The following OR6C1 variants were observed in gnomAD, a reference collection of about 807,000 sequenced individuals.
OR6C1 encodes the protein olfactory receptor 6C1.
For missense variants in OR6C1, 386 were observed against 366.1 expected (o/e 1.05, Z -0.44); for synonymous variants, 157 against 133.3 (o/e 1.18, Z -1.22).
chr12:55,316,973 G>A (rs749874267), intron 1 of OR6C1, among the ~76,000 whole-genome samples: 1 of 151,682 alleles, frequency 6.6e-6, no homozygotes, highest in Non-Finnish European at 1.5e-5. Flanking sequence ...ATGAGTCATG[G>A]TATTATTACT....
intron 1 of OR6C1, among the ~76,000 whole-genome samples, chr12:55,314,827 C>G (rs965135144): frequency 6.6e-6 from 1 of 151,502 alleles, no homozygotes; most frequent in African/African-American, 2.4e-5. Context: ...TCAAATATAG[C>G]TATATAGTAC....
intron 1 of OR6C1, among the ~76,000 whole-genome samples, chr12:55,317,932 T>G (rs544488689): frequency 1.4e-5 from 2 of 144,260 alleles, no homozygotes; most frequent in Admixed American, 1.4e-4. Flanking sequence ...ATATATATAT[T>G]ATATATATAT....
At chr12:55,315,481 T>A (rs1286117844) in intron 1 of OR6C1, among the ~76,000 whole-genome samples, 1 of 151,768 alleles carries the variant, frequency 6.6e-6, no homozygotes, top group Admixed American at 6.6e-5. Context: ...AAATGAGTGT[T>A]ACTATTTATG....
At chr12:55,314,690 G>T (rs1868383253) in intron 1 of OR6C1, 91 bp downstream of exon 1, 1 of 151,372 alleles carries the variant, frequency 6.6e-6, no homozygotes, top group South Asian at 2.1e-4. Flanking sequence ...AAAGTAAATA[G>T]GTATTATACT....
chr12:55,315,627 T>C (rs1272229639), intron 1 of OR6C1, among the ~76,000 whole-genome samples: 1 of 151,564 alleles, frequency 6.6e-6, no homozygotes, highest in Non-Finnish European at 1.5e-5. Context: ...TCCGGGGAAA[T>C]AGTCATCTAA....
chr12:55,316,135 C>G (rs553791631), intron 1 of OR6C1, among the ~76,000 whole-genome samples: 1 of 142,096 alleles, frequency 7.0e-6, no homozygotes, highest in Non-Finnish European at 1.5e-5. Context: ...ACACACCCCC[C>G]GAGAGAATAA....
rs1005295915 is a variant in OR6C1 at position 55,322,204 on chromosome 12, G to A, written c.*666G>A. Reference sequence around the variant, plus strand: ...GACACATATGCAAATACATACATAAGTTTTGTCAAACATAGAGAATATATA... The same window carrying A: ...GACACATATGCAAATACATACATAAATTTTGTCAAACATAGAGAATATATA... On this transcript the variant is annotated 3_prime_UTR_variant, in exon 2 of 2. Transcript: ENST00000642104. The A allele has an allele frequency of 1.3e-5, 2 of 151,860 alleles. No homozygotes were observed. Among genetic ancestry groups the A allele is most frequent in the African/African-American group, 4.8e-5 (2 of 41,398 alleles). 9.4% of individuals were successfully genotyped at this position (151,860 alleles called of 1,614,324 possible). A position where few individuals can be genotyped will look rare whatever the true frequency, so the allele number is the denominator to read the frequency against.
At chr12:55,318,000 TAC>T (rs1455031416) in intron 1 of OR6C1, among the ~76,000 whole-genome samples, 7 of 148,698 alleles carry the variant, frequency 4.7e-5, no homozygotes, top group South Asian at 2.1e-4. Context: ...TACACATATA[TAC>T]ACACACATAA....
chr12:55,314,642 T>C (rs951215977), intron 1 of OR6C1, 43 bp downstream of exon 1: 7 of 151,642 alleles, frequency 4.6e-5, no homozygotes, highest in African/African-American at 1.2e-4. Context: ...TCTCAAATCA[T>C]AGCATTGAAT....
rs775872972 is a variant in OR6C1 at position 55,321,049 on chromosome 12, A to G, written c.450A>G (p.Ser150=). ...TLLVFTSWLV[S]FLIIFPALML... ...TTGTTTTTACTTCTTGGCTGGTTTC[A>G]TTCTTAATCATATTCCCAGCACTCA... The change falls in exon 2 of 2, where the codon TCA becomes TCG. Residue 150 remains serine, a synonymous_variant. Transcript: ENST00000642104. The G allele has an allele frequency of 6.2e-7, 1 of 1,613,640 alleles. No individual in the cohort carries two copies. The highest frequency in any genetic ancestry group is 1.1e-5 in the South Asian group (1 of 91,066).
chr12:55,317,705 C>G (rs903172354), intron 1 of OR6C1, among the ~76,000 whole-genome samples: 3 of 151,676 alleles, frequency 2.0e-5, no homozygotes, highest in Non-Finnish European at 2.9e-5. Context: ...AAGATAAAAT[C>G]CTGTTCTAAC....
At chr12:55,320,335 C>T (rs1868507965) in intron 1 of OR6C1, among the ~76,000 whole-genome samples, 1 of 152,098 alleles carries the variant, frequency 6.6e-6, no homozygotes. Flanking sequence ...TTTCAAATTC[C>T]TGCCCTACCA....
Position 55,320,564 on chromosome 12 carries a change from T to A in OR6C1, c.-33-3T>A, listed in dbSNP as rs757829051. 2 of 1,207,566 alleles carry A rather than the reference T, an allele frequency of 1.7e-6. No individual in the cohort carries two copies. The allele number at this position is 1,207,566 out of a possible 1,614,324, so 74.8% of individuals were successfully genotyped here. ...AGTTTGTTCTTTGTACTTTCTCTTGTAGGTCTGGCAGGGGAAAAAAGAAAG... is the reference window on the plus strand; with the variant it reads ...AGTTTGTTCTTTGTACTTTCTCTTGAAGGTCTGGCAGGGGAAAAAAGAAAG... On this transcript the variant is annotated splice_region_variant and splice_polypyrimidine_tract_variant and intron_variant, in intron 1 of 1. Transcript: ENST00000642104.
chr12:55,315,873 A>C (rs1868399646), intron 1 of OR6C1, among the ~76,000 whole-genome samples: 2 of 151,580 alleles, frequency 1.3e-5, no homozygotes, highest in Admixed American at 1.3e-4. Flanking sequence ...CTTTTTCATT[A>C]GTGTATTAAC....
At chr12:55,319,822 A>G (rs7974512) in intron 1 of OR6C1, among the ~76,000 whole-genome samples, 63,002 of 152,012 alleles carry the variant, frequency 0.41, 16,650 homozygotes, top group African/African-American at 0.75. Flanking sequence ...CAACTTTCAC[A>G]ATGGCTAAGG....
chr12:55,321,492 C>T lies in OR6C1; in HGVS notation c.893C>T (p.Ala298Val), dbSNP rs1342350673. The T allele has an allele frequency of 2.5e-6, 4 of 1,613,388 alleles. No homozygotes were observed. The highest frequency in any genetic ancestry group is 2.2e-5 in the East Asian group (1 of 44,850). Residue 298 changes from alanine (A) to valine (V), a missense_variant, in exon 2 of 2, where the codon GCT becomes GTT. Physicochemically the swap from Ala to Val is moderately conservative, Grantham distance 64. Coordinates refer to ENST00000642104, the MANE Select transcript of OR6C1 (RefSeq NM_001005182.2). ...CTAAGAAATCAGCAAGTCAAGCAAG[C>T]TTTCATTAACATGGCAAGGAAGACT... is the stretch of plus-strand genomic sequence containing the variant. The part of the protein sequence containing the change: ...YSLRNQQVKQ[A>V]FINMARKTVF...
Position 55,321,276 on chromosome 12 carries a change from T to A in OR6C1, c.677T>A (p.Ile226Asn). 6.2e-7 allele frequency: 1 copy of A among 1,613,614 alleles called. No individual in the cohort carries two copies. The highest frequency in any genetic ancestry group is 1.1e-5 in the South Asian group (1 of 91,044). Residue 226 changes from isoleucine to asparagine, a missense_variant, in exon 2 of 2, where the codon ATT becomes AAT. Coordinates refer to ENST00000642104, the MANE Select transcript of OR6C1 (RefSeq NM_001005182.2). Reference protein sequence around the residue: ...YIYIIRTILRIPSTSQRTKAF... With the variant: ...YIYIIRTILRNPSTSQRTKAF... ...TACATTATCAGAACAATTTTGAGAATTCCTTCTACTAGTCAGAGGACAAAG... is the reference window on the plus strand; with the variant it reads ...TACATTATCAGAACAATTTTGAGAAATCCTTCTACTAGTCAGAGGACAAAG...
intron 1 of OR6C1, among the ~76,000 whole-genome samples, chr12:55,320,265 G>A (rs1828850356): frequency 6.6e-6 from 1 of 152,158 alleles, no homozygotes; most frequent in African/African-American, 2.4e-5. Flanking sequence ...GATTAGGGAG[G>A]AAACTTGTAG....
At chr12:55,320,080 G>T (rs1433224986) in intron 1 of OR6C1, among the ~76,000 whole-genome samples, 1 of 152,138 alleles carries the variant, frequency 6.6e-6, no homozygotes, top group Non-Finnish European at 1.5e-5. Context: ...GGCAGAGGTT[G>T]CAGTGAGCCA....
Sources: gnomAD v4.1 joint callset for allele counts (sites outside exome capture counted in the v4.1 genomes callset) on GRCh38, gnomAD v4.1.1 for gene constraint, MANE v1.5 for transcripts, NCBI Gene and HGNC (gene_info 2026-07-23, HGNC 2026-07-21) for gene names.